The following LRRC4C variants were observed in gnomAD, a reference collection of about 807,000 sequenced individuals.
The protein encoded by LRRC4C is leucine rich repeat containing 4C.
Under a neutral mutation model 33.6 loss-of-function variants are expected in LRRC4C, and 5 were observed. That is an observed-to-expected ratio of 0.15 (90% CI 0.08 to 0.31). LRRC4C has a LOEUF of 0.31. LRRC4C is among the 10% of genes least tolerant of loss of function. LRRC4C has a pLI of 1.00. For missense variants in LRRC4C, 560 were observed against 796.7 expected, an observed-to-expected ratio of 0.70 and a Z score of 3.58; for synonymous variants, 329 against 302.0, an observed-to-expected ratio of 1.09 and a Z score of -0.93.
chr11:40,828,148 A>AACAC (rs1396404844), intron 2 of LRRC4C, among the ~76,000 whole-genome samples: 5 of 63,240 alleles, frequency 7.9e-5, no homozygotes, highest in South Asian at 8.1e-4. Flanking sequence ...TATGTATACA[A>AACAC]ACATACACAC....
chr11:41,038,945 A>T (rs193133893), intron 1 of LRRC4C, among the ~76,000 whole-genome samples: 1 of 152,258 alleles, frequency 6.6e-6, no homozygotes, highest in African/African-American at 2.4e-5. Flanking sequence ...ATTAGATCCC[A>T]CTTGTCAATT....
chr11:40,902,001 C>T (rs1429643316), intron 2 of LRRC4C, among the ~76,000 whole-genome samples: 46 of 34,124 alleles, frequency 1.3e-3, no homozygotes, highest in South Asian at 5.8e-3. Flanking sequence ...TCTCTCTCTA[C>T]ACACACACAC....
chr11:41,441,059 C>T (rs1254882402), intron 1 of LRRC4C, among the ~76,000 whole-genome samples: 1 of 152,138 alleles, frequency 6.6e-6, no homozygotes, highest in African/African-American at 2.4e-5. Flanking sequence ...AGAGACAACA[C>T]TCTCTTTCTT....
intron 3 of LRRC4C, among the ~76,000 whole-genome samples, chr11:40,412,542 A>G (rs975916176): frequency 4.6e-5 from 7 of 151,814 alleles, no homozygotes; most frequent in African/African-American, 1.7e-4. Flanking sequence ...CCTCTTTTTC[A>G]TTTTTCACCT....
chr11:40,542,050 C>CTT (rs1956734649), intron 3 of LRRC4C, among the ~76,000 whole-genome samples: 5 of 112,748 alleles, frequency 4.4e-5, no homozygotes, highest in East Asian at 2.9e-4. Flanking sequence ...CTTTCTCTTT[C>CTT]TCTCTTTCTT....
chr11:40,571,882 G>A (rs1355980534), intron 3 of LRRC4C, among the ~76,000 whole-genome samples: 1 of 152,132 alleles, frequency 6.6e-6, no homozygotes. Flanking sequence ...TCAACAAACA[G>A]AGCCTTTCTC....
intron 1 of LRRC4C, among the ~76,000 whole-genome samples, chr11:41,349,726 A>G (rs551805862): frequency 1.6e-3 from 243 of 152,308 alleles, no homozygotes; most frequent in African/African-American, 5.6e-3. Context: ...AGAAAGAACC[A>G]GTGTAAGAAC....
At chr11:40,522,570 G>A (rs1955865499) in intron 3 of LRRC4C, among the ~76,000 whole-genome samples, 1 of 151,844 alleles carries the variant, frequency 6.6e-6, no homozygotes, top group Non-Finnish European at 1.5e-5. Flanking sequence ...GCCACATGAG[G>A]ATACTAAGCA....
intron 2 of LRRC4C, among the ~76,000 whole-genome samples, chr11:40,713,009 C>T (rs1185758135): frequency 6.6e-6 from 1 of 151,066 alleles, no homozygotes; most frequent in Non-Finnish European, 1.5e-5. Flanking sequence ...CTGCCTCAGT[C>T]TCCGGAGTAG....
At chr11:41,410,977 A>G (rs1443863038) in intron 1 of LRRC4C, among the ~76,000 whole-genome samples, 1 of 151,652 alleles carries the variant, frequency 6.6e-6, no homozygotes. Flanking sequence ...AAGGAGAGAC[A>G]TAATGTGAGG....
intron 1 of LRRC4C, among the ~76,000 whole-genome samples, chr11:41,239,151 T>TG (rs1948144674): frequency 1.8e-5 from 2 of 112,740 alleles, no homozygotes; most frequent in Non-Finnish European, 3.6e-5. Context: ...CCGTCTCTAC[T>TG]AAAAAAAAAA....
intron 1 of LRRC4C, among the ~76,000 whole-genome samples, chr11:41,018,823 G>C (rs1855763472): frequency 6.6e-6 from 1 of 152,104 alleles, no homozygotes; most frequent in African/African-American, 2.4e-5. Flanking sequence ...AAGCTAAGTA[G>C]CAAAATTTTC....
chr11:41,358,674 G>A (rs868196254), intron 1 of LRRC4C, among the ~76,000 whole-genome samples: 1 of 152,028 alleles, frequency 6.6e-6, no homozygotes, highest in African/African-American at 2.4e-5. Flanking sequence ...TTAAAACAAC[G>A]ATGAGATATA....
At chr11:40,530,141 C>T (rs1591016979) in intron 3 of LRRC4C, among the ~76,000 whole-genome samples, 2 of 152,034 alleles carry the variant, frequency 1.3e-5, no homozygotes, top group South Asian at 4.2e-4. Flanking sequence ...AACAAATGCC[C>T]AGAATTCAAG....
chr11:40,167,974 G>A (rs1366577431), intron 5 of LRRC4C, among the ~76,000 whole-genome samples: 1 of 152,158 alleles, frequency 6.6e-6, no homozygotes, highest in Non-Finnish European at 1.5e-5. Context: ...AACCTGGGAG[G>A]CGGAGGTTGC....
chr11:40,442,162 C>CAA (rs1158464665), intron 3 of LRRC4C, among the ~76,000 whole-genome samples: 4,234 of 56,134 alleles, frequency 0.075, 920 homozygotes, highest in African/African-American at 0.095. Context: ...GACTCCATTT[C>CAA]AAAAAAAAAA....
intron 3 of LRRC4C, among the ~76,000 whole-genome samples, chr11:40,395,800 A>G (rs1590599010): frequency 6.6e-6 from 1 of 152,090 alleles, no homozygotes; most frequent in Non-Finnish European, 1.5e-5. Flanking sequence ...TAGCCTGGCC[A>G]ATGTGTTGAA....
chr11:41,238,219 T>C (rs1265402204), intron 1 of LRRC4C, among the ~76,000 whole-genome samples: 1 of 152,210 alleles, frequency 6.6e-6, no homozygotes, highest in Non-Finnish European at 1.5e-5. Flanking sequence ...AGTTCTTTAT[T>C]GCAGTATGGC....
intron 1 of LRRC4C, among the ~76,000 whole-genome samples, chr11:41,408,666 T>C (rs1176788825): frequency 6.6e-6 from 1 of 151,740 alleles, no homozygotes; most frequent in African/African-American, 2.4e-5. Context: ...ATTAATTCTA[T>C]GTTTATGGGT....
Sources: gnomAD v4.1 joint callset for allele counts (sites outside exome capture counted in the v4.1 genomes callset) on GRCh38, gnomAD v4.1.1 for gene constraint, MANE v1.5 for transcripts, NCBI Gene and HGNC (gene_info 2026-07-23, HGNC 2026-07-21) for gene names.